GFM1: variants seen among roughly 807,000 people sequenced by gnomAD.
The protein encoded by GFM1 is elongation factor G, mitochondrial.
GFM1 carries 62 observed loss-of-function variants against 96.2 expected under a neutral mutation model. The ratio of observed to expected loss-of-function variants is 0.64; its 90% CI spans 0.53 to 0.80. The LOEUF (loss-of-function observed/expected upper bound fraction) is 0.80, where lower values mean the gene tolerates loss of function less well. GFM1 is among the 30% of genes least tolerant of loss of function. The probability of loss-of-function intolerance (pLI) is 0.00; values close to 1 mark genes in which losing one functional copy is unlikely to be tolerated. For missense variants in GFM1, 852 were observed against 916.6 expected (o/e 0.93, Z 0.91); for synonymous variants, 282 against 312.9 (o/e 0.90, Z 1.04).
intron 13 of GFM1, chr3:158,666,800 G>A (rs1266304815): frequency 2.0e-5 from 30 of 1,529,360 alleles, no homozygotes; most frequent in Non-Finnish European, 2.3e-5. Context: ...TTAGGAAAAC[G>A]TAGTTGGGTT....
intron 13 of GFM1, among the ~76,000 whole-genome samples, chr3:158,678,987 T>C (rs569110594): frequency 6.6e-6 from 1 of 152,124 alleles, no homozygotes; most frequent in Non-Finnish European, 1.5e-5. Context: ...CTGGGCAACA[T>C]AGTGAGACCC....
chr3:158,673,508 C>CTTTTTTTTTTTTTTTTTT (rs766011688), intron 13 of GFM1, among the ~76,000 whole-genome samples: 15 of 114,252 alleles, frequency 1.3e-4, no homozygotes, highest in South Asian at 2.7e-4. Context: ...CTTTTCTTTT[C>CTTTTTTTTTTTTTTTTTT]TTTTTTTTTT....
rs1048573603 is a variant in GFM1, at chr3:158,681,553, A to G, written c.1602-442A>G. On this transcript the variant is annotated intron_variant, in intron 13 of 17. Coordinates refer to ENST00000486715, the MANE Select transcript of GFM1 (RefSeq NM_024996.7). The stretch of plus-strand genomic sequence containing the variant: ...TGTATTGCCTGAGTCTATAATGCCC[A>G]AGGAATAAAATCAAATAGGAACTAT... 2.0e-5 allele frequency among the ~76,000 whole-genome samples: 3 copies of G among 150,480 alleles called. No homozygotes were observed. In the East Asian group the frequency reaches 5.8e-4, roughly 29 times the overall value.
At chr3:158,652,602 C>T (rs575187549) in intron 6 of GFM1, among the ~76,000 whole-genome samples, 2 of 152,150 alleles carry the variant, frequency 1.3e-5, no homozygotes, top group South Asian at 2.1e-4. Flanking sequence ...AGCTCCACTA[C>T]GTATTCTCTA....
rs1446412201 is a variant in GFM1 at position 158,653,342 on chromosome 3, A to G, written c.873A>G (p.Ser291=). 6.2e-7 allele frequency: 1 copy of G among 1,613,468 alleles called. No individual in the cohort carries two copies. Among genetic ancestry groups the G allele is most frequent in the Non-Finnish European group, 8.5e-7 (1 of 1,179,654 alleles). The change falls in exon 7 of 18, where the codon TCA becomes TCG. Residue 291 remains serine (S), a synonymous_variant. Coordinates refer to ENST00000486715, the MANE Select transcript of GFM1 (RefSeq NM_024996.7). ...TTCGAAGAGCTACTCTGAAAAGATCATTTACTCCTGTATTTTTGGGAAGCG... is the reference window on the plus strand; with the variant it reads ...TTCGAAGAGCTACTCTGAAAAGATCGTTTACTCCTGTATTTTTGGGAAGCG... ...LAIRRATLKR[S]FTPVFLGSAL...
intron 13 of GFM1, chr3:158,672,608 T>C: frequency 9.9e-7 from 1 of 1,013,810 alleles, no homozygotes; most frequent in African/African-American, 1.6e-5. Context: ...CTTCAGTCAG[T>C]CTTCTTCCTC....
Position 158,670,855 on chromosome 3 carries a change from G to C in GFM1, c.1601+4469G>C, listed in dbSNP as rs907125253. On this transcript the variant is annotated intron_variant, in intron 13 of 17. Transcript: ENST00000486715. ...AGGCTGAGGTGGGAAGATGGCCTGA[G>C]CCCGGGAAGTTGAGGCTGCAGTGAG... 2.3e-6 allele frequency: 3 copies of C among 1,298,614 alleles called. No homozygotes were observed. In the African/African-American group the frequency reaches 4.7e-5, roughly 20 times the overall value. The allele number at this position is 1,298,614 out of a possible 1,614,324, so 80.4% of individuals were successfully genotyped here. A position where few individuals can be genotyped will look rare whatever the true frequency, so the allele number is the denominator to read the frequency against.
In GFM1 at chr3:158,681,798, C is replaced by T. The variant is rs6795089; in HGVS notation, c.1602-197C>T. ...TCTGTATATTACCTTGGGTAGTATA[C>T]CCCACCCTCACTTCAAGTAAGAACA... On this transcript the variant is annotated intron_variant, in intron 13 of 17. Transcript: ENST00000486715. Among the ~76,000 whole-genome samples, 1,157 of 152,142 alleles carry T rather than the reference C, an allele frequency of 7.6e-3. 23 individuals carry two copies. Among genetic ancestry groups the T allele is most frequent in the African/African-American group, 0.027 (1,122 of 41,510 alleles).
intron 13 of GFM1, chr3:158,672,488 G>A: frequency 1.9e-6 from 3 of 1,613,744 alleles, no homozygotes; most frequent in Admixed American, 1.7e-5. Context: ...TTCCGGATGA[G>A]CAGTGACTTC....
rs951735967 is a variant in GFM1, at chr3:158,694,980, A to T, written c.*3513A>T. Among the ~76,000 whole-genome samples the T allele has an allele frequency of 8.5e-5, 13 of 152,256 alleles. No individual in the cohort carries two copies. The highest frequency in any genetic ancestry group is 2.9e-5 in the Non-Finnish European group (2 of 68,042). On this transcript the variant is annotated 3_prime_UTR_variant, in exon 18 of 18. Transcript: ENST00000486715. ...CTGTTAATGAAAAGAGGACATAGGG[A>T]ATAGTTTTTCATTTTATGCCAAGTG...
intron 13 of GFM1, chr3:158,671,119 G>A (rs1399009256): frequency 1.5e-6 from 2 of 1,307,110 alleles, no homozygotes; most frequent in Non-Finnish European, 2.0e-6. Context: ...GGGGCTGGCT[G>A]AAGGGGAATG....
chr3:158,662,778 A>T, intron 11 of GFM1, 94 bp downstream of exon 11: 1 of 811,810 alleles, frequency 1.2e-6, no homozygotes, highest in South Asian at 1.4e-5. Context: ...TGTAATAACC[A>T]GCAGTCTTAT....
In GFM1 at chr3:158,665,408, T is replaced by G; in HGVS notation, c.1452T>G (p.Phe484Leu). Residue 484 changes from phenylalanine to leucine, a missense_variant, in exon 12 of 18, where the codon TTT becomes TTG. Phe to Leu is a conservative substitution (Grantham distance 22). Transcript: ENST00000486715. ...TREDPTFKVY[F>L]DTENKETVIS... is the part of the protein sequence containing the mutation. ...AAGATCCCACATTTAAAGTATACTT[T>G]GACACTGAGAACAAAGAGACAGTTA... 1 of 1,610,138 alleles carries G rather than the reference T, an allele frequency of 6.2e-7. No homozygotes were observed. The highest frequency in any genetic ancestry group is 8.5e-7 in the Non-Finnish European group (1 of 1,176,800).
intron 15 of GFM1, chr3:158,685,041 A>C (rs574897346): frequency 1.7e-4 from 31 of 178,586 alleles, no homozygotes; most frequent in African/African-American, 6.6e-4. Context: ...AGAAATCCAT[A>C]AATTTGTAAG....
At chr3:158,665,153 G>C (rs1276828949) in intron 11 of GFM1, among the ~76,000 whole-genome samples, 184 bp from the exon 12 acceptor site, 1 of 152,174 alleles carries the variant, frequency 6.6e-6, no homozygotes. Context: ...ATTCCCTGCT[G>C]TCTTGGCTGT....
At chr3:158,658,665 T>C (rs1374501131) in intron 8 of GFM1, among the ~76,000 whole-genome samples, 1 of 152,198 alleles carries the variant, frequency 6.6e-6, no homozygotes, top group Non-Finnish European at 1.5e-5. Context: ...CTTAAAAATT[T>C]TGTTCTAATG....
Position 158,646,915 on chromosome 3 carries a change from C to A in GFM1, c.540C>A (p.Gly180=). 7 of 1,614,084 alleles carry A rather than the reference C, an allele frequency of 4.3e-6. No individual in the cohort carries two copies. Among genetic ancestry groups the A allele is most frequent in the Non-Finnish European group, 5.9e-6 (7 of 1,179,992 alleles). ...LTFINKLDRM[G]SNPARALQQM... ...TTATTAACAAATTGGACCGAATGGGCTCCAACCCAGCCAGGGCCCTGCAGC... is the reference window on the plus strand; with the variant it reads ...TTATTAACAAATTGGACCGAATGGGATCCAACCCAGCCAGGGCCCTGCAGC... The change falls in exon 4 of 18, where the codon GGC becomes GGA. Residue 180 remains glycine (G), a synonymous_variant. Coordinates refer to ENST00000486715, the MANE Select transcript of GFM1 (RefSeq NM_024996.7).
intron 6 of GFM1, among the ~76,000 whole-genome samples, chr3:158,652,696 G>A (rs1423814623): frequency 1.3e-5 from 2 of 152,188 alleles, no homozygotes; most frequent in East Asian, 1.9e-4. Flanking sequence ...GTCATGACCT[G>A]TAATTTATGA....
Position 158,644,560 on chromosome 3 carries a change from A to G in GFM1, c.-75A>G, listed in dbSNP as rs1011561551. On this transcript the variant is annotated 5_prime_UTR_variant, in exon 1 of 18. Transcript: ENST00000486715. ...AACATTGGCTGCCGGCGTGACTTTGACCGCTTCCCGGTGCGTTACCGGCAG... is the reference window on the plus strand; with the variant it reads ...AACATTGGCTGCCGGCGTGACTTTGGCCGCTTCCCGGTGCGTTACCGGCAG... 49 of 1,261,748 alleles carry G rather than the reference A, an allele frequency of 3.9e-5. No homozygotes were observed. The African/African-American group carries it at 5.4e-4, about 14-fold the overall frequency. The allele number at this position is 1,261,748 out of a possible 1,614,324, so 78.2% of individuals were successfully genotyped here. A position where few individuals can be genotyped will look rare whatever the true frequency, so the allele number is the denominator to read the frequency against.
Sources: gnomAD v4.1 joint callset for allele counts (sites outside exome capture counted in the v4.1 genomes callset) on GRCh38, gnomAD v4.1.1 for gene constraint, MANE v1.5 for transcripts, NCBI Gene and HGNC (gene_info 2026-07-23, HGNC 2026-07-21) for gene names.